The following KLHL11 variants were observed in gnomAD, a reference collection of about 807,000 sequenced individuals.
KLHL11 encodes kelch-like protein 11.
A neutral mutation model predicts 56.1 loss-of-function variants in KLHL11; 26 were observed. The ratio of observed to expected loss-of-function variants is 0.46; its 90% CI spans 0.34 to 0.64. The LOEUF is 0.64. Ranked by LOEUF, KLHL11 falls within the 30% of genes least tolerant of loss-of-function variation. The probability of loss-of-function intolerance (pLI) is 0.01; values close to 1 mark genes in which losing one functional copy is unlikely to be tolerated. For missense variants in KLHL11, 627 were observed against 919.4 expected (o/e 0.68, Z 4.11); for synonymous variants, 338 against 345.8 (o/e 0.98, Z 0.25).
Position 41,853,983 on chromosome 17 carries a change from C to A in KLHL11, c.1884G>T (p.Arg628=), listed in dbSNP as rs1376512311. Residue 628 remains arginine (R), a synonymous_variant, in exon 2 of 2, where the codon CGG becomes CGT. Transcript: ENST00000319121. ...KNSDDIDKQY[R]KEAYRYCAER... ...CCGCACAATATCGGTAGGCTTCTTTCCGATACTGTTTATCAATATCATCAC... is the reference window on the plus strand; with the variant it reads ...CCGCACAATATCGGTAGGCTTCTTTACGATACTGTTTATCAATATCATCAC... The A allele has an allele frequency of 6.2e-7, 1 of 1,614,048 alleles. No individual in the cohort carries two copies. Among genetic ancestry groups the A allele is most frequent in the Non-Finnish European group, 8.5e-7 (1 of 1,180,042 alleles).
rs1597945701 is a variant in KLHL11, at chr17:41,853,311, A to G, written c.*429T>C. ...CATGCCTCCTGCAGATGAGGGCTCA[A>G]TGCAGAAGTCAGATCTTGCCAAAAC... On this transcript the variant is annotated 3_prime_UTR_variant, in exon 2 of 2. Transcript: ENST00000319121. Among the ~76,000 whole-genome samples the G allele has an allele frequency of 6.6e-6, 1 of 152,262 alleles. No homozygotes were observed. The highest frequency in any genetic ancestry group is 1.5e-5 in the Non-Finnish European group (1 of 68,042).
In KLHL11 at chr17:41,850,318, AC is replaced by A. The variant is rs34227257; in HGVS notation, c.*3421del. 6.6e-6 allele frequency: 1 copy of A among 152,208 alleles called. No homozygotes were observed. The highest frequency in any genetic ancestry group is 1.5e-5 in the Non-Finnish European group (1 of 68,024). The allele number at this position is 152,208 out of a possible 1,614,324, so 9.4% of individuals were successfully genotyped here. On this transcript the variant is annotated 3_prime_UTR_variant, in exon 2 of 2. Coordinates refer to ENST00000319121, the MANE Select transcript of KLHL11 (RefSeq NM_018143.3). ...CACATCATCATGCAATGAAGGACTT[AC>A]CCCTTCTTTTCAGCCATGGCCTAGG...
chr17:41,857,092 G>A (rs368229925), intron 1 of KLHL11, among the ~76,000 whole-genome samples: 44 of 152,190 alleles, frequency 2.9e-4, no homozygotes, highest in African/African-American at 1.0e-3. Context: ...ACTACTCAGG[G>A]GGCTTAGGCA....
At position 41,855,607 on chromosome 17, in the gene KLHL11, G is replaced by A. The variant is rs553162641; in HGVS notation, c.546-286C>T. ...CTGGTCTCAAACTCCTGACCTCAAAGTGATCCGCCCGCCTTGGCCTCCCAA... is the reference window on the plus strand; with the variant it reads ...CTGGTCTCAAACTCCTGACCTCAAAATGATCCGCCCGCCTTGGCCTCCCAA... On this transcript the variant is annotated intron_variant, in intron 1 of 1. Transcript: ENST00000319121. 1.5e-3 allele frequency among the ~76,000 whole-genome samples: 225 copies of A among 151,878 alleles called. 1 individual carries two copies. The highest frequency in any genetic ancestry group is 2.4e-3 in the Non-Finnish European group (166 of 67,962).
Position 41,854,558 on chromosome 17 carries a change from A to T in KLHL11, c.1309T>A (p.Cys437Ser), listed in dbSNP as rs1388948229. The T allele has an allele frequency of 1.2e-6, 2 of 1,614,104 alleles. No individual in the cohort carries two copies. The highest frequency in any genetic ancestry group is 1.7e-6 in the Non-Finnish European group (2 of 1,180,052). ...NPNLNTWEHVCSLMTRKHSFG... is the reference protein window; with the variant it reads ...NPNLNTWEHVSSLMTRKHSFG... ...GAATGCTTTCTTGTCATCAGACTACAAACATGTTCCCATGTATTCAAATTT... is the reference window on the plus strand; with the variant it reads ...GAATGCTTTCTTGTCATCAGACTACTAACATGTTCCCATGTATTCAAATTT... The change falls in exon 2 of 2, where the codon TGT becomes AGT. Residue 437 changes from cysteine (C) to serine (S), a missense_variant. Transcript: ENST00000319121. The surrounding 1 kb of genome is among the most constrained non-coding windows in gnomAD (Gnocchi z 4.9).
At position 41,864,831 on chromosome 17, in the gene KLHL11, G is replaced by A. The variant is rs149464035; in HGVS notation, c.540C>T (p.Ala180=). ...CTCCCGCCTCCCTCGCCTACCTGTC[G>A]GCCAACTCCAGCACCTCGTGCACGC... The part of the protein sequence containing the change: ...TGSVHEVLEL[A]DRFLLIRLKE... The change falls in exon 1 of 2, where the codon GCC becomes GCT. Residue 180 remains alanine (A), a synonymous_variant. Transcript: ENST00000319121. 6.7e-7 allele frequency: 1 copy of A among 1,499,756 alleles called. No individual in the cohort carries two copies. The highest frequency in any genetic ancestry group is 1.3e-5 in the South Asian group (1 of 76,010). 92.9% of individuals were successfully genotyped at this position (1,499,756 alleles called of 1,614,324 possible).
chr17:41,850,613 G>C lies in KLHL11; in HGVS notation c.*3127C>G, dbSNP rs1555621949. On this transcript the variant is annotated 3_prime_UTR_variant, in exon 2 of 2. Transcript: ENST00000319121. ...AAGTTTGCTAGCACAGTCTGTTGGAGAGAAATGAGAACTTCATTTAGTGAG... is the reference window on the plus strand; with the variant it reads ...AAGTTTGCTAGCACAGTCTGTTGGACAGAAATGAGAACTTCATTTAGTGAG... The C allele has an allele frequency of 2.0e-5, 3 of 152,196 alleles. No individual in the cohort carries two copies. Among genetic ancestry groups the C allele is most frequent in the Admixed American group, 2.0e-4 (3 of 15,274 alleles). 9.4% of individuals were successfully genotyped at this position (152,196 alleles called of 1,614,324 possible).
In KLHL11 at chr17:41,853,727, C is replaced by A. The variant is rs141272202; in HGVS notation, c.*13G>T. 7.5e-5 allele frequency: 119 copies of A among 1,595,680 alleles called. No homozygotes were observed. The East Asian group carries it at 2.6e-3, about 34-fold the overall frequency. On this transcript the variant is annotated 3_prime_UTR_variant, in exon 2 of 2. Transcript: ENST00000319121. Reference sequence around the variant, plus strand: ...ACGGGTGTAACAGTTTTAATCGGCACGCTTGAGAGAACCTAGCATTCAATC... The same window carrying A: ...ACGGGTGTAACAGTTTTAATCGGCAAGCTTGAGAGAACCTAGCATTCAATC...
rs1786376047 is a variant in KLHL11 at position 41,851,249 on chromosome 17, C to A, written c.*2491G>T. The A allele has an allele frequency of 6.6e-6, 1 of 152,060 alleles. No homozygotes were observed. Among genetic ancestry groups the A allele is most frequent in the African/African-American group, 2.4e-5 (1 of 41,400 alleles). 9.4% of individuals were successfully genotyped at this position (152,060 alleles called of 1,614,324 possible). On this transcript the variant is annotated 3_prime_UTR_variant, in exon 2 of 2. Transcript: ENST00000319121. ...ACATCTTAAAAAACCAAAACAACAA[C>A]AAAAACAAGAAAACCACATTGTAAA...
rs554827240 is a variant in KLHL11, at chr17:41,865,359, C to T, written c.12G>A (p.Ala4=). 240 of 1,441,592 alleles carry T rather than the reference C, an allele frequency of 1.7e-4. No individual in the cohort carries two copies. Among genetic ancestry groups the T allele is most frequent in the Non-Finnish European group, 1.9e-4 (208 of 1,110,030 alleles). 89.3% of individuals were successfully genotyped at this position (1,441,592 alleles called of 1,614,324 possible). MAA[A]AVAAAAAAAA... is the part of the protein sequence containing the mutation. ...CCGCCGCCGCCGCCGCCGCCACTGC[C>T]GCAGCCGCCATCTTGACGCCGCTGC... Residue 4 remains alanine (A), a synonymous_variant, in exon 1 of 2, where the codon GCG becomes GCA. Transcript: ENST00000319121.
chr17:41,857,245 G>A (rs7208199), intron 1 of KLHL11, among the ~76,000 whole-genome samples: 115,136 of 151,714 alleles, frequency 0.76, 43,941 homozygotes, highest in Admixed American at 0.85. Flanking sequence ...AGTGGCTCAC[G>A]CCTGTAATCC....
chr17:41,853,069 C>A lies in KLHL11; in HGVS notation c.*671G>T, dbSNP rs959827618. ...AAAGATCTATACTTTTGCCAACTACCGTCACCTCAGATTGAAGGCTTAAAG... is the reference window on the plus strand; with the variant it reads ...AAAGATCTATACTTTTGCCAACTACAGTCACCTCAGATTGAAGGCTTAAAG... On this transcript the variant is annotated 3_prime_UTR_variant, in exon 2 of 2. Transcript: ENST00000319121. 5.3e-5 allele frequency among the ~76,000 whole-genome samples: 8 copies of A among 152,126 alleles called. No homozygotes were observed. The highest frequency in any genetic ancestry group is 1.0e-4 in the Non-Finnish European group (7 of 68,024).
In KLHL11 at chr17:41,865,286, C is replaced by A. The variant is rs1427420422; in HGVS notation, c.85G>T (p.Ala29Ser). The change falls in exon 1 of 2, where the codon GCC (alanine) becomes TCC (serine). Residue 29 changes from alanine to serine, a missense_variant. Coordinates refer to ENST00000319121, the MANE Select transcript of KLHL11 (RefSeq NM_018143.3). ...QVLEMESMETAAAGSAGLAAE... is the reference protein window; with the variant it reads ...QVLEMESMETSAAGSAGLAAE... Reference sequence around the variant, plus strand: ...GCCAGTCCTGCCGAGCCGGCGGCGGCCGTCTCCATGCTCTCCATCTCCAGT... The same window carrying A: ...GCCAGTCCTGCCGAGCCGGCGGCGGACGTCTCCATGCTCTCCATCTCCAGT... 11 of 1,569,594 alleles carry A rather than the reference C, an allele frequency of 7.0e-6. No homozygotes were observed. The highest frequency in any genetic ancestry group is 9.4e-6 in the Non-Finnish European group (11 of 1,165,974).
At chr17:41,862,246 G>A (rs2048408493) in intron 1 of KLHL11, among the ~76,000 whole-genome samples, 1 of 151,134 alleles carries the variant, frequency 6.6e-6, no homozygotes, top group Admixed American at 6.6e-5. Context: ...CTGCCACCAC[G>A]CCCTGCTAAT....
intron 1 of KLHL11, among the ~76,000 whole-genome samples, chr17:41,855,991 C>CA (rs1567873895): frequency 3.4e-5 from 5 of 149,190 alleles, no homozygotes; most frequent in East Asian, 2.0e-4. Context: ...CATCCCCCCC[C>CA]CAAAAAAAAA....
At position 41,854,781 on chromosome 17, in the gene KLHL11, C is replaced by T; in HGVS notation, c.1086G>A (p.Met362Ile). 4 of 1,614,190 alleles carry T rather than the reference C, an allele frequency of 2.5e-6. No individual in the cohort carries two copies. The highest frequency in any genetic ancestry group is 3.4e-6 in the Non-Finnish European group (4 of 1,180,044). ...PRYGQNMDVI[M>I]VIGGVSEGGD... ...CTCCTTCTGACACACCTCCAATAAC[C>T]ATGATCACATCCATGTTTTGCCCAT... The change falls in exon 2 of 2, where the codon ATG becomes ATA. Residue 362 changes from methionine (M) to isoleucine (I), a missense_variant. By Grantham distance (10) the Met-to-Ile change is conservative. Around this residue, in one of 4 missense-constraint regions of KLHL11, gnomAD observed 106 missense variants for 227.0 expected, o/e 0.47. Transcript: ENST00000319121. The surrounding 1 kb of genome is among the most constrained non-coding windows in gnomAD (Gnocchi z 4.9).
intron 1 of KLHL11, 96 bp from the exon 2 acceptor site, chr17:41,855,417 C>G: frequency 1.1e-6 from 1 of 902,456 alleles, no homozygotes; most frequent in Non-Finnish European, 1.6e-6. Context: ...CTCACTCTGC[C>G]ACCCAGGTTG....
At chr17:41,855,674 A>AT (rs782123336) in intron 1 of KLHL11, among the ~76,000 whole-genome samples, 430 of 132,378 alleles carry the variant, frequency 3.2e-3, no homozygotes, top group African/African-American at 6.5e-3. Flanking sequence ...CCCGGCCTAC[A>AT]TTTTTTTTTT....
In KLHL11 at chr17:41,865,278, G is replaced by A. The variant is rs782018358; in HGVS notation, c.93C>T (p.Ala31=). The change falls in exon 1 of 2, where the codon GCC becomes GCT. Residue 31 remains alanine, a synonymous_variant. Transcript: ENST00000319121. ...LEMESMETAA[A]GSAGLAAEVR... Reference sequence around the variant, plus strand: ...CCTCGGCGGCCAGTCCTGCCGAGCCGGCGGCGGCCGTCTCCATGCTCTCCA... The same window carrying A: ...CCTCGGCGGCCAGTCCTGCCGAGCCAGCGGCGGCCGTCTCCATGCTCTCCA... 23 of 1,570,700 alleles carry A rather than the reference G, an allele frequency of 1.5e-5. No individual in the cohort carries two copies. The South Asian group carries it at 2.6e-4, about 17-fold the overall frequency.
Sources: allele counts gnomAD v4.1 joint callset (sites outside exome capture counted in the v4.1 genomes callset), GRCh38; gene constraint gnomAD v4.1.1; regional missense constraint gnomAD v4.1.1; non-coding constraint Gnocchi (gnomAD v3.1); transcripts MANE v1.5; gene names NCBI Gene and HGNC (gene_info 2026-07-23, HGNC 2026-07-21).